Variants in R3HDM2 observed in about 807,000 individuals in gnomAD.
The protein encoded by R3HDM2 is R3H domain containing 2, also known as R3H domain-containing protein 2.
Under a neutral mutation model 124.5 loss-of-function variants are expected in R3HDM2, and 38 were observed. The observed-to-expected ratio is 0.31, with a 90% confidence interval of 0.24 to 0.40. The LOEUF is 0.40. Among genes scored for constraint, R3HDM2 ranks in the 10% least tolerant of loss-of-function variants. The pLI is 1.00. For synonymous variants in R3HDM2, 391 were observed against 448.0 expected (o/e 0.87, Z 1.61); for missense variants, 869 against 1,236.9 (o/e 0.70, Z 4.46).
intron 2 of R3HDM2, among the ~76,000 whole-genome samples, chr12:57,394,523 C>T (rs1302253535): frequency 6.6e-6 from 1 of 152,112 alleles, no homozygotes; most frequent in Admixed American, 6.6e-5. Context: ...AGTGAGTGAA[C>T]TGAGATGGCG....
chr12:57,399,075 G>A (rs1409431724), intron 1 of R3HDM2, among the ~76,000 whole-genome samples: 1 of 152,166 alleles, frequency 6.6e-6, no homozygotes, highest in African/African-American at 2.4e-5. Flanking sequence ...GAGTGGAAAG[G>A]AGCTGAACTC....
chr12:57,256,847 T>C (rs961452589), intron 21 of R3HDM2, among the ~76,000 whole-genome samples: 1 of 149,192 alleles, frequency 6.7e-6, no homozygotes. Context: ...TGAGACAGAG[T>C]TTCACTCGCC....
chr12:57,288,894 A>T (rs1258684993), intron 12 of R3HDM2, 115 bp downstream of exon 12: 1 of 1,551,570 alleles, frequency 6.4e-7, no homozygotes, highest in South Asian at 1.2e-5. Context: ...CTAGAAGAAA[A>T]GGCTTCTTTG....
chr12:57,363,559 A>G (rs1007222163), intron 2 of R3HDM2, among the ~76,000 whole-genome samples: 6 of 152,216 alleles, frequency 3.9e-5, no homozygotes, highest in African/African-American at 1.2e-4. Context: ...TTTAGTTTCC[A>G]GTAACTAAGA....
At chr12:57,428,298 G>A (rs1036088133) in intron 1 of R3HDM2, among the ~76,000 whole-genome samples, 4 of 152,022 alleles carry the variant, frequency 2.6e-5, no homozygotes, top group Non-Finnish European at 4.4e-5. Flanking sequence ...CAGTGTGCAT[G>A]TTAGGGGAAA....
intron 4 of R3HDM2, among the ~76,000 whole-genome samples, chr12:57,302,431 C>T (rs1289686830): frequency 6.6e-6 from 1 of 151,388 alleles, no homozygotes; most frequent in Non-Finnish European, 1.5e-5. Flanking sequence ...TTTGGGAGAC[C>T]GAGGTGGGCA....
intron 14 of R3HDM2, among the ~76,000 whole-genome samples, chr12:57,277,293 C>T (rs1000161380): frequency 6.6e-6 from 1 of 151,986 alleles, no homozygotes; most frequent in African/African-American, 2.4e-5. Flanking sequence ...CCTGGTTTCA[C>T]GAGCTTCACC....
intron 3 of R3HDM2, among the ~76,000 whole-genome samples, chr12:57,307,708 C>A (rs1326684647): frequency 6.6e-6 from 1 of 151,090 alleles, no homozygotes; most frequent in Non-Finnish European, 1.5e-5. Flanking sequence ...CTCACTGCAA[C>A]CTCTGCCTCC....
intron 1 of R3HDM2, among the ~76,000 whole-genome samples, chr12:57,412,899 C>T (rs1351949650): frequency 6.6e-6 from 1 of 152,044 alleles, no homozygotes; most frequent in African/African-American, 2.4e-5. Flanking sequence ...CGCCTGTAAT[C>T]CCAGTACTTT....
chr12:57,406,486 T>C (rs1015733031), intron 1 of R3HDM2, among the ~76,000 whole-genome samples: 3 of 152,184 alleles, frequency 2.0e-5, no homozygotes, highest in Non-Finnish European at 4.4e-5. Context: ...TTAAAAGACT[T>C]AAGCATTTGT....
At chr12:57,334,317 G>A (rs1399536983) in intron 2 of R3HDM2, among the ~76,000 whole-genome samples, 1 of 152,038 alleles carries the variant, frequency 6.6e-6, no homozygotes, top group Admixed American at 6.6e-5. Context: ...ATACAGTTAG[G>A]GTGTTAATGT....
chr12:57,295,484 T>C lies in R3HDM2; in HGVS notation c.725A>G (p.His242Arg). 1.3e-6 allele frequency: 2 copies of C among 1,551,490 alleles called. No homozygotes were observed. Among genetic ancestry groups the C allele is most frequent in the Non-Finnish European group, 1.7e-6 (2 of 1,146,736 alleles). ...TTCTGTATTCTTCTCATCCTTTATA[T>C]GTTCTGAGAACCTCTGTTCAGGGCT... Reference protein sequence around the residue: ...TRIPEQRFSEHIKDEKNTEFQ... With the variant: ...TRIPEQRFSERIKDEKNTEFQ... The change falls in exon 10 of 24, where the codon CAT becomes CGT. Residue 242 changes from histidine (H) to arginine (R), a missense_variant. By Grantham distance (29) the His-to-Arg change is conservative (BLOSUM62 0). Transcript: ENST00000402412.
In R3HDM2 at chr12:57,382,541, C is replaced by CAAA. The variant is rs1222419669; in HGVS notation, c.-36+13205_-36+13207dup. Reference sequence around the variant, plus strand: ...GGATGAAAGGCGTGAGCCCAGCCTACAAAAAAAAAAAAAAAAAAAAAGGGC... The same window carrying CAAA: ...GGATGAAAGGCGTGAGCCCAGCCTACAAAAAAAAAAAAAAAAAAAAAAAAGGGC... On this transcript the variant is annotated intron_variant, in intron 2 of 23. Transcript: ENST00000402412. Among the ~76,000 whole-genome samples the CAAA allele has an allele frequency of 8.7e-3, 347 of 40,046 alleles. 6 individuals carry two copies. Among genetic ancestry groups the CAAA allele is most frequent in the African/African-American group, 0.028 (307 of 11,134 alleles). 26.3% of individuals were successfully genotyped at this position (40,046 alleles called of 152,430 possible). A position where few individuals can be genotyped will look rare whatever the true frequency, so the allele number is the denominator to read the frequency against.
At chr12:57,424,681 G>C (rs1416184037) in intron 1 of R3HDM2, among the ~76,000 whole-genome samples, 1 of 152,090 alleles carries the variant, frequency 6.6e-6, no homozygotes, top group Non-Finnish European at 1.5e-5. Context: ...ACAAAAATAT[G>C]AACTGTATTT....
intron 1 of R3HDM2, among the ~76,000 whole-genome samples, chr12:57,403,229 C>T (rs2068206464): frequency 6.6e-6 from 1 of 152,170 alleles, no homozygotes; most frequent in Admixed American, 6.5e-5. Context: ...GCTGGTGGCT[C>T]ACACCTGTAA....
At chr12:57,263,881 A>C (rs779762418) in intron 19 of R3HDM2, among the ~76,000 whole-genome samples, 2 of 152,228 alleles carry the variant, frequency 1.3e-5, no homozygotes, top group Non-Finnish European at 2.9e-5. Context: ...AAAATCTTCA[A>C]GTGAAAATAT....
rs560773390 is a variant in R3HDM2 at position 57,254,848 on chromosome 12, G to A, written c.2898C>T (p.Ser966=). Residue 966 remains serine, a synonymous_variant, in exon 24 of 24, where the codon TCC becomes TCT. Coordinates refer to ENST00000402412, the MANE Select transcript of R3HDM2 (RefSeq NM_001394031.1). ...AQNASLRLNN[S]VSRFKLRMAK... is the part of the protein sequence containing the mutation. Reference sequence around the variant, plus strand: ...CCATTCGAAGTTTGAAGCGACTCACGGAGTTGTTGAGACGAAGGGAGGCAT... The same window carrying A: ...CCATTCGAAGTTTGAAGCGACTCACAGAGTTGTTGAGACGAAGGGAGGCAT... The A allele has an allele frequency of 6.0e-5, 97 of 1,613,254 alleles. 1 individual carries two copies. Among genetic ancestry groups the A allele is most frequent in the East Asian group, 4.0e-4 (18 of 44,866 alleles).
intron 1 of R3HDM2, among the ~76,000 whole-genome samples, chr12:57,423,258 T>C (rs1341004885): frequency 6.6e-6 from 1 of 151,572 alleles, no homozygotes; most frequent in East Asian, 2.0e-4. Flanking sequence ...CCCCCATCTC[T>C]ACTAAAAATG....
chr12:57,280,885 G>A (rs1160744388), intron 13 of R3HDM2, among the ~76,000 whole-genome samples: 1 of 152,144 alleles, frequency 6.6e-6, no homozygotes, highest in African/African-American at 2.4e-5. Flanking sequence ...CTTACTTCCT[G>A]GGAAGGCACA....
Sources: gnomAD v4.1 joint callset for allele counts (sites outside exome capture counted in the v4.1 genomes callset) on GRCh38, gnomAD v4.1.1 for gene constraint, MANE v1.5 for transcripts, NCBI Gene and HGNC (gene_info 2026-07-23, HGNC 2026-07-21) for gene names.